SUMF1: variants seen among roughly 807,000 people sequenced by gnomAD.
SUMF1 encodes the protein formylglycine-generating enzyme.
Under a neutral mutation model 47.6 loss-of-function variants are expected in SUMF1, and 48 were observed. That is an observed-to-expected ratio of 1.01 (90% CI 0.80 to 1.28). The LOEUF (loss-of-function observed/expected upper bound fraction) is 1.28. SUMF1 is among the 50% of genes most tolerant of loss of function. The pLI, the probability that SUMF1 is intolerant of heterozygous loss-of-function variation, is 0.00. For synonymous variants in SUMF1, 230 were observed against 192.1 expected (o/e 1.20, Z -1.63); for missense variants, 571 against 485.4 (o/e 1.18, Z -1.66).
At chr3:4,340,734 G>C (rs1480459705) in intron 8 of SUMF1, among the ~76,000 whole-genome samples, 1 of 152,202 alleles carries the variant, frequency 6.6e-6, no homozygotes, top group Non-Finnish European at 1.5e-5. Context: ...GGGGAAGAGA[G>C]ATCGTGTGAG....
intron 2 of SUMF1, among the ~76,000 whole-genome samples, chr3:4,452,395 C>T (rs559634062): frequency 9.9e-4 from 150 of 152,136 alleles, no homozygotes; most frequent in Non-Finnish European, 1.6e-3. Context: ...AATAAAGACA[C>T]GAAAATGAAA....
At chr3:4,366,820 GCT>G (rs1194152266) in intron 8 of SUMF1, among the ~76,000 whole-genome samples, 5 of 151,910 alleles carry the variant, frequency 3.3e-5, no homozygotes, top group African/African-American at 9.7e-5. Flanking sequence ...CAGTTTTTCT[GCT>G]CTGTTTTTTC....
At chr3:4,200,447 G>A (rs1695517250) in intron 8 of SUMF1, among the ~76,000 whole-genome samples, 1 of 152,024 alleles carries the variant, frequency 6.6e-6, no homozygotes, top group Non-Finnish European at 1.5e-5. Flanking sequence ...CTGGAGCTGG[G>A]ACACCCTTCT....
chr3:4,075,772 A>G (rs1692419142), intron 8 of SUMF1, among the ~76,000 whole-genome samples: 1 of 152,132 alleles, frequency 6.6e-6, no homozygotes, highest in Non-Finnish European at 1.5e-5. Flanking sequence ...CTAGGAATCC[A>G]ACTTACAAGG....
chr3:4,056,054 G>C (rs1167036107), intron 9 of SUMF1, among the ~76,000 whole-genome samples: 1 of 151,996 alleles, frequency 6.6e-6, no homozygotes, highest in East Asian at 1.9e-4. Flanking sequence ...ATTACATTGG[G>C]CCCACCCAGA....
intron 8 of SUMF1, among the ~76,000 whole-genome samples, chr3:4,106,390 G>A (rs1693159169): frequency 1.3e-5 from 2 of 152,040 alleles, no homozygotes; most frequent in Admixed American, 1.3e-4. Flanking sequence ...CAGGCACCTT[G>A]CAATCATTAT....
At position 4,171,242 on chromosome 3, in the gene SUMF1, T is replaced by A. The variant is rs1694826127; in HGVS notation, c.1015-102497A>T. 2.6e-5 allele frequency among the ~76,000 whole-genome samples: 4 copies of A among 152,196 alleles called. No individual in the cohort carries two copies. The South Asian group carries it at 8.3e-4, about 31-fold the overall frequency. ...GCAGCAAGGAGTATTGCAGATGCTCTGCGATCTATACCAGGATTCTCTAAT... is the reference window on the plus strand; with the variant it reads ...GCAGCAAGGAGTATTGCAGATGCTCAGCGATCTATACCAGGATTCTCTAAT... On this transcript the variant is annotated intron_variant and NMD_transcript_variant, in intron 8 of 12. Coordinates refer to the SUMF1 transcript ENST00000448413.
intron 8 of SUMF1, among the ~76,000 whole-genome samples, chr3:4,363,771 G>A (rs13067792): frequency 0.42 from 34,803 of 83,450 alleles, 8,391 homozygotes; most frequent in East Asian, 0.59. Context: ...TTGAATAGGA[G>A]TGGTGAGAGA....
chr3:4,087,154 T>A (rs779560395), intron 8 of SUMF1, among the ~76,000 whole-genome samples: 20 of 152,274 alleles, frequency 1.3e-4, no homozygotes, highest in Non-Finnish European at 2.1e-4. Flanking sequence ...CTGATAAAGG[T>A]ACTGGAAAGC....
intron 3 of SUMF1, among the ~76,000 whole-genome samples, chr3:4,431,286 T>C (rs761360106): frequency 3.9e-5 from 6 of 152,330 alleles, no homozygotes; most frequent in Middle Eastern, 3.4e-3. Context: ...TTTCCTCTGA[T>C]TGATCCCCAT....
At chr3:4,242,106 G>C (rs1207691096) in intron 8 of SUMF1, among the ~76,000 whole-genome samples, 1 of 152,150 alleles carries the variant, frequency 6.6e-6, no homozygotes, top group South Asian at 2.1e-4. Flanking sequence ...GAATGCTTGT[G>C]ATATTTGCAC....
At chr3:4,382,338 A>G (rs1700532208) in intron 7 of SUMF1, among the ~76,000 whole-genome samples, 1 of 148,944 alleles carries the variant, frequency 6.7e-6, no homozygotes, top group South Asian at 2.1e-4. Flanking sequence ...ACATACATGC[A>G]CACACACACA....
At chr3:4,053,562 G>A (rs1168342229) in intron 9 of SUMF1, among the ~76,000 whole-genome samples, 1 of 152,110 alleles carries the variant, frequency 6.6e-6, no homozygotes, top group South Asian at 2.1e-4. Flanking sequence ...AAAAAGCTAT[G>A]AGGAATTCAC....
chr3:4,218,255 A>G (rs974287920), intron 8 of SUMF1, among the ~76,000 whole-genome samples: 2 of 152,104 alleles, frequency 1.3e-5, no homozygotes, highest in Admixed American at 6.6e-5. Flanking sequence ...GAATTGTGAG[A>G]GAATAAAATT....
chr3:4,135,219 C>G (rs1049560613), intron 8 of SUMF1, among the ~76,000 whole-genome samples: 2 of 152,094 alleles, frequency 1.3e-5, no homozygotes, highest in African/African-American at 4.8e-5. Flanking sequence ...ATGCAAAAAT[C>G]CTCAATAAAA....
chr3:4,234,932 T>C (rs1696376666), intron 8 of SUMF1, among the ~76,000 whole-genome samples: 1 of 152,164 alleles, frequency 6.6e-6, no homozygotes, highest in Non-Finnish European at 1.5e-5. Context: ...TGTGTGTGTG[T>C]ATCCACATAT....
intron 9 of SUMF1, among the ~76,000 whole-genome samples, chr3:4,058,753 G>A (rs1391867351): frequency 6.6e-6 from 1 of 152,154 alleles, no homozygotes; most frequent in African/African-American, 2.4e-5. Flanking sequence ...CATTCTGGGA[G>A]AAGAAAAGTT....
At chr3:4,258,580 T>G (rs1025300005) in intron 8 of SUMF1, among the ~76,000 whole-genome samples, 1 of 152,058 alleles carries the variant, frequency 6.6e-6, no homozygotes, top group Non-Finnish European at 1.5e-5. Flanking sequence ...CTCACACCAG[T>G]TAGAATGGCA....
chr3:4,461,552 C>A (rs1269922056), intron 1 of SUMF1, among the ~76,000 whole-genome samples: 1 of 152,182 alleles, frequency 6.6e-6, no homozygotes, highest in Non-Finnish European at 1.5e-5. Context: ...TCTAACTTTT[C>A]TCATCTTCTT....
Sources: gnomAD v4.1 joint callset for allele counts (sites outside exome capture counted in the v4.1 genomes callset) on GRCh38, gnomAD v4.1.1 for gene constraint, MANE v1.5 for transcripts, NCBI Gene and HGNC (gene_info 2026-07-23, HGNC 2026-07-21) for gene names.